The following NR3C1 variants were observed in gnomAD, a reference collection of about 807,000 sequenced individuals.
NR3C1 encodes the protein nuclear receptor subfamily 3 group C member 1, also known as glucocorticoid receptor.
NR3C1 carries 14 observed loss-of-function variants against 74.0 expected under a neutral mutation model. That is an observed-to-expected ratio of 0.19 (90% CI 0.12 to 0.30). The LOEUF is 0.30. Ranked by LOEUF, NR3C1 falls within the 10% of genes least tolerant of loss-of-function variation. The pLI is 1.00. For missense variants in NR3C1, 695 were observed against 909.8 expected (o/e 0.76, Z 3.04); for synonymous variants, 308 against 332.5 (o/e 0.93, Z 0.80).
At chr5:143,383,226 G>T (rs1376732872) in intron 2 of NR3C1, among the ~76,000 whole-genome samples, 1 of 152,148 alleles carries the variant, frequency 6.6e-6, no homozygotes, top group Non-Finnish European at 1.5e-5. Context: ...CTCACATATA[G>T]TAACTGCTCA....
chr5:143,433,063 A>T (rs1022530316), intron 1 of NR3C1, among the ~76,000 whole-genome samples: 10 of 152,132 alleles, frequency 6.6e-5, no homozygotes, highest in Non-Finnish European at 1.2e-4. Context: ...GCCTTAATGG[A>T]AAGGAATTGG....
chr5:143,433,486 T>A (rs1751972333), intron 1 of NR3C1, among the ~76,000 whole-genome samples: 1 of 37,242 alleles, frequency 2.7e-5, no homozygotes, highest in Non-Finnish European at 7.6e-5. Flanking sequence ...TTTCATCTTG[T>A]GTGGGCAAAT....
Position 143,324,043 on chromosome 5 carries a change from T to G in NR3C1, c.1185-9875A>C, listed in dbSNP as rs148701757. Among the ~76,000 whole-genome samples, 326 of 152,270 alleles carry G rather than the reference T, an allele frequency of 2.1e-3. 2 individuals carry two copies. The highest frequency in any genetic ancestry group is 6.5e-3 in the Admixed American group (100 of 15,300). ...TCCCGGCTGCTTTCACAGGCTGGCA[T>G]TGAGTGTCTGTGGCTTTTCCAGGTA... On this transcript the variant is annotated intron_variant, in intron 2 of 8. Coordinates refer to ENST00000394464, the MANE Select transcript of NR3C1 (RefSeq NM_000176.3).
chr5:143,315,589 TTTA>T (rs1821909288), intron 2 of NR3C1, among the ~76,000 whole-genome samples: 3 of 152,330 alleles, frequency 2.0e-5, no homozygotes, highest in South Asian at 4.1e-4. Context: ...TCTGTTATTC[TTTA>T]TTATCTCTTG....
intron 2 of NR3C1, among the ~76,000 whole-genome samples, chr5:143,385,666 A>G (rs1837066241): frequency 6.6e-6 from 1 of 152,216 alleles, no homozygotes; most frequent in South Asian, 2.1e-4. Flanking sequence ...AGCAAAAGTG[A>G]ACTTTGCTCC....
chr5:143,325,747 G>A (rs1380454727), intron 2 of NR3C1, among the ~76,000 whole-genome samples: 1 of 152,132 alleles, frequency 6.6e-6, no homozygotes, highest in Non-Finnish European at 1.5e-5. Flanking sequence ...GTGGTTTCAA[G>A]CATACACTAG....
chr5:143,293,189 T>C (rs1816342122), intron 7 of NR3C1, among the ~76,000 whole-genome samples: 1 of 152,178 alleles, frequency 6.6e-6, no homozygotes, highest in African/African-American at 2.4e-5. Context: ...CATGGAATAC[T>C]ACTCAGCCAC....
At chr5:143,375,718 A>G (rs1386534961) in intron 2 of NR3C1, 1 of 152,260 alleles carries the variant, frequency 6.6e-6, no homozygotes, top group Non-Finnish European at 1.5e-5. Context: ...CTAACAGCAG[A>G]GAGCCACTTG....
At chr5:143,328,158 C>T (rs1374236901) in intron 2 of NR3C1, among the ~76,000 whole-genome samples, 2 of 152,256 alleles carry the variant, frequency 1.3e-5, no homozygotes, top group South Asian at 2.1e-4. Flanking sequence ...CCCAACACCA[C>T]GTGAAAGCTG....
intron 1 of NR3C1, among the ~76,000 whole-genome samples, chr5:143,410,746 C>T (rs1251201573): frequency 6.6e-6 from 1 of 152,116 alleles, no homozygotes; most frequent in Non-Finnish European, 1.5e-5. Flanking sequence ...CTTAGAGGAG[C>T]TTATGGAATT....
chr5:143,385,291 C>T (rs906758663), intron 2 of NR3C1, among the ~76,000 whole-genome samples: 1 of 152,170 alleles, frequency 6.6e-6, no homozygotes, highest in Non-Finnish European at 1.5e-5. Flanking sequence ...TCTGACATGC[C>T]CTGGAAACAT....
intron 2 of NR3C1, among the ~76,000 whole-genome samples, chr5:143,330,028 T>G (rs999469416): frequency 2.6e-5 from 4 of 152,184 alleles, no homozygotes; most frequent in Admixed American, 2.6e-4. Flanking sequence ...CCAAGTAAAC[T>G]ATCGTGTAGT....
intron 1 of NR3C1, 28 bp downstream of exon 1, chr5:143,403,183 C>A (rs1372875942): frequency 1.0e-6 from 1 of 984,818 alleles, no homozygotes; most frequent in African/African-American, 1.8e-5. Context: ...GCGAGCGCGC[C>A]CCGGCCCCCT....
At chr5:143,289,659 T>A (rs1382499886) in intron 7 of NR3C1, among the ~76,000 whole-genome samples, 1 of 152,188 alleles carries the variant, frequency 6.6e-6, no homozygotes, top group Non-Finnish European at 1.5e-5. Context: ...ACATTGAGAA[T>A]ATTTGAACAA....
intron 6 of NR3C1, among the ~76,000 whole-genome samples, chr5:143,296,427 T>C (rs1171549616): frequency 1.3e-5 from 2 of 152,202 alleles, no homozygotes; most frequent in East Asian, 3.8e-4. Flanking sequence ...CAGAGGCTCT[T>C]CAAATTTAAA....
At chr5:143,375,836 AG>A (rs1233062727) in intron 2 of NR3C1, 1 of 152,208 alleles carries the variant, frequency 6.6e-6, no homozygotes, top group African/African-American at 2.4e-5. Flanking sequence ...TTTAAAAACT[AG>A]GGGAAAATCT....
chr5:143,281,969 T>G lies in NR3C1; in HGVS notation c.2254A>C (p.Met752Leu). 1 of 1,613,588 alleles carries G rather than the reference T, an allele frequency of 6.2e-7. No homozygotes were observed. The highest frequency in any genetic ancestry group is 8.5e-7 in the Non-Finnish European group (1 of 1,179,658). ...TGATTGGTGATGATTTCAGCTAACATCTCGGGGAATTCAATACTCATGGTC... is the reference window on the plus strand; with the variant it reads ...TGATTGGTGATGATTTCAGCTAACAGCTCGGGGAATTCAATACTCATGGTC... The part of the protein sequence containing the change: ...DKTMSIEFPE[M>L]LAEIITNQIP... Residue 752 changes from methionine (M) to leucine (L), a missense_variant, in exon 9 of 9, where the codon ATG (methionine) becomes CTG (leucine). This residue lies in a region of NR3C1 where 133 missense variants were observed against 287.9 expected (regional missense o/e 0.46). Coordinates refer to ENST00000394464, the MANE Select transcript of NR3C1 (RefSeq NM_000176.3).
At chr5:143,329,292 C>T (rs137896141) in intron 2 of NR3C1, among the ~76,000 whole-genome samples, 85 of 152,284 alleles carry the variant, frequency 5.6e-4, no homozygotes, top group Non-Finnish European at 9.6e-4. Flanking sequence ...ATCACGAGAA[C>T]AGCATGGAGG....
intron 2 of NR3C1, among the ~76,000 whole-genome samples, chr5:143,387,948 T>C (rs1024698872): frequency 6.6e-6 from 1 of 152,172 alleles, no homozygotes; most frequent in African/African-American, 2.4e-5. Context: ...TACAAACATA[T>C]ACATTAGACT....
Sources: allele counts gnomAD v4.1 joint callset (sites outside exome capture counted in the v4.1 genomes callset), GRCh38; gene constraint gnomAD v4.1.1; regional missense constraint gnomAD v4.1.1; transcripts MANE v1.5; gene names NCBI Gene and HGNC (gene_info 2026-07-23, HGNC 2026-07-21).